The following FYB1 variants were observed in gnomAD, a reference collection of about 807,000 sequenced individuals.
FYB1 encodes the protein FYN binding protein 1, also known as FYN-binding protein 1.
FYB1 carries 41 observed loss-of-function variants against 94.1 expected under a neutral mutation model. That is an observed-to-expected ratio of 0.44 (90% CI 0.34 to 0.57). FYB1 has a LOEUF of 0.57. Among genes scored for constraint, FYB1 ranks in the 20% least tolerant of loss-of-function variants. FYB1 has a pLI of 0.02. For missense variants in FYB1, 1,050 were observed against 976.8 expected (o/e 1.07, Z -1.00); for synonymous variants, 367 against 353.2 (o/e 1.04, Z -0.44).
intron 1 of FYB1, among the ~76,000 whole-genome samples, chr5:39,240,090 A>C (rs1751137955): frequency 6.6e-6 from 1 of 152,244 alleles, no homozygotes; most frequent in East Asian, 1.9e-4. Context: ...CTCCATATTC[A>C]TAAATGGTGC....
intron 1 of FYB1, among the ~76,000 whole-genome samples, chr5:39,215,090 T>C (rs1474665174): frequency 1.3e-5 from 2 of 152,114 alleles, no homozygotes; most frequent in African/African-American, 4.8e-5. Flanking sequence ...GAAGAAAACG[T>C]TCCTGAAATC....
intron 2 of FYB1, among the ~76,000 whole-genome samples, chr5:39,162,944 C>T (rs1744394197): frequency 6.6e-6 from 1 of 152,100 alleles, no homozygotes; most frequent in Non-Finnish European, 1.5e-5. Flanking sequence ...AGAAGTACAG[C>T]ATCCTATTTA....
Position 39,219,457 on chromosome 5 carries a change from A to G in FYB1, c.-42T>C, listed in dbSNP as rs1183386639. 1.0e-6 allele frequency: 1 copy of G among 985,444 alleles called. No homozygotes were observed. Among genetic ancestry groups the G allele is most frequent in the East Asian group, 1.1e-4 (1 of 8,832 alleles). The allele number at this position is 985,444 out of a possible 1,614,324, so 61.0% of individuals were successfully genotyped here. A position where few individuals can be genotyped will look rare whatever the true frequency, so the allele number is the denominator to read the frequency against. The stretch of plus-strand genomic sequence containing the variant: ...ATAGCTGTTACCTGACTCCTGCAGA[A>G]GAAGGCGGAAGGATGGCCTCCTTTA... On this transcript the variant is annotated 5_prime_UTR_variant, in exon 1 of 19. Coordinates refer to ENST00000512982, the MANE Select transcript of FYB1 (RefSeq NM_001465.6).
intron 3 of FYB1, among the ~76,000 whole-genome samples, chr5:39,144,588 G>A (rs185317225): frequency 2.6e-4 from 40 of 152,252 alleles, no homozygotes; most frequent in Admixed American, 5.9e-4. Flanking sequence ...GATCATCTGA[G>A]GTCAGGAGTT....
At chr5:39,194,756 G>T (rs1561244513) in intron 2 of FYB1, among the ~76,000 whole-genome samples, 1 of 152,158 alleles carries the variant, frequency 6.6e-6, no homozygotes, top group African/African-American at 2.4e-5. Context: ...TAAGGGAAGA[G>T]AGTCTTTCTG....
At chr5:39,180,756 G>A (rs886937443) in intron 2 of FYB1, among the ~76,000 whole-genome samples, 1 of 152,158 alleles carries the variant, frequency 6.6e-6, no homozygotes, top group East Asian at 1.9e-4. Flanking sequence ...AACTTGAGAG[G>A]AGGCCATCTA....
intron 16 of FYB1, among the ~76,000 whole-genome samples, chr5:39,111,865 C>T (rs1380403984): frequency 2.0e-5 from 3 of 151,866 alleles, no homozygotes; most frequent in African/African-American, 7.2e-5. Flanking sequence ...AATTAGAACA[C>T]GTTGCACCTT....
chr5:39,120,845 G>A (rs187747654), intron 14 of FYB1, among the ~76,000 whole-genome samples: 43 of 152,060 alleles, frequency 2.8e-4, no homozygotes, highest in Non-Finnish European at 1.5e-5. Context: ...CAGGTTCTGC[G>A]TCTGCCCTCA....
chr5:39,253,901 A>T (rs1751833471), intron 1 of FYB1, among the ~76,000 whole-genome samples: 1 of 152,102 alleles, frequency 6.6e-6, no homozygotes, highest in African/African-American at 2.4e-5. Flanking sequence ...ATGTGTTCTT[A>T]TCATTTAGCT....
chr5:39,140,954 G>A (rs1481063045), intron 4 of FYB1, 141 bp downstream of exon 4: 3 of 634,120 alleles, frequency 4.7e-6, no homozygotes, highest in Non-Finnish European at 8.5e-6. Flanking sequence ...AGGATAAGAG[G>A]GAATAAACAA....
intron 11 of FYB1, among the ~76,000 whole-genome samples, chr5:39,126,387 C>A (rs541536597): frequency 5.0e-4 from 76 of 152,034 alleles, no homozygotes; most frequent in Non-Finnish European, 9.9e-4. Flanking sequence ...AAATGTGAAG[C>A]AAGTCCATAA....
intron 3 of FYB1, among the ~76,000 whole-genome samples, chr5:39,152,893 T>C (rs1709883484): frequency 2.0e-5 from 3 of 152,242 alleles, no homozygotes; most frequent in African/African-American, 7.2e-5. Context: ...TTACTTTGGA[T>C]TCAGACTACA....
intron 11 of FYB1, 127 bp downstream of exon 11, chr5:39,127,614 A>G (rs547632098): frequency 5.8e-6 from 6 of 1,034,814 alleles, no homozygotes; most frequent in African/African-American, 3.4e-5. Context: ...TTAATTAAAC[A>G]TTCAAATCAT....
At chr5:39,256,258 T>A (rs1751936515) in intron 1 of FYB1, among the ~76,000 whole-genome samples, 2 of 152,192 alleles carry the variant, frequency 1.3e-5, no homozygotes, top group Non-Finnish European at 2.9e-5. Context: ...AAACCAGTAT[T>A]CACAGTGATC....
chr5:39,272,670 C>CAAAAAAAAAAAAAAAAA (rs1195291951), intron 1 of FYB1, among the ~76,000 whole-genome samples: 2 of 70,874 alleles, frequency 2.8e-5, no homozygotes, highest in Non-Finnish European at 5.3e-5. Flanking sequence ...AGACTCATCT[C>CAAAAAAAAAAAAAAAAA]AAAAAAAAAA....
chr5:39,143,692 G>A (rs1291544935), intron 3 of FYB1, among the ~76,000 whole-genome samples: 1 of 152,152 alleles, frequency 6.6e-6, no homozygotes, highest in African/African-American at 2.4e-5. Flanking sequence ...AATGTGGGCT[G>A]GAAGTGACTT....
At chr5:39,240,217 A>C (rs1163711671) in intron 1 of FYB1, among the ~76,000 whole-genome samples, 1 of 152,168 alleles carries the variant, frequency 6.6e-6, no homozygotes, top group Non-Finnish European at 1.5e-5. Context: ...AACCATAAAA[A>C]CCCTGGAAGA....
chr5:39,196,054 C>T (rs917363544), intron 2 of FYB1, among the ~76,000 whole-genome samples: 16 of 152,090 alleles, frequency 1.1e-4, no homozygotes, highest in Non-Finnish European at 2.4e-4. Flanking sequence ...TCTCTTATAA[C>T]ATTTATTTTG....
intron 2 of FYB1, among the ~76,000 whole-genome samples, chr5:39,162,498 A>G (rs752062832): frequency 6.6e-5 from 10 of 152,110 alleles, no homozygotes; most frequent in Non-Finnish European, 1.3e-4. Flanking sequence ...CATCCTGGCC[A>G]ACATGGTGAA....
Sources: gnomAD v4.1 joint callset for allele counts (sites outside exome capture counted in the v4.1 genomes callset) on GRCh38, gnomAD v4.1.1 for gene constraint, MANE v1.5 for transcripts, NCBI Gene and HGNC (gene_info 2026-07-23, HGNC 2026-07-21) for gene names.